Variants in FMO3 observed in about 807,000 individuals in gnomAD.
FMO3 encodes the protein flavin-containing monooxygenase 3.
Under a neutral mutation model 39.4 loss-of-function variants are expected in FMO3, and 40 were observed. The observed-to-expected ratio is 1.02, with a 90% CI of 0.79 to 1.32. FMO3 has a LOEUF of 1.32. Ranked by LOEUF, FMO3 falls within the 40% of genes most tolerant of loss-of-function variation. The pLI is 0.00. For missense variants in FMO3, 680 were observed against 651.8 expected (o/e 1.04, Z -0.47); for synonymous variants, 219 against 228.8 (o/e 0.96, Z 0.39).
intron 2 of FMO3, among the ~76,000 whole-genome samples, chr1:171,093,507 A>G (rs541704659): frequency 7.2e-6 from 1 of 139,486 alleles, no homozygotes; most frequent in Non-Finnish European, 1.5e-5. Context: ...GCATATATAC[A>G]TACATATATA....
At chr1:171,103,664 C>T (rs199878858) in intron 2 of FMO3, 121 bp from the exon 3 acceptor site, 4 of 821,994 alleles carry the variant, frequency 4.9e-6, no homozygotes, top group African/African-American at 1.7e-5. Context: ...TTGGTAACCA[C>T]GGAGGTCCTG....
intron 2 of FMO3, chr1:171,100,355 G>A (rs1412075797): frequency 6.6e-6 from 1 of 152,216 alleles, no homozygotes; most frequent in Non-Finnish European, 1.5e-5. Context: ...GAGGGCAGAG[G>A]CCTGAGCCAA....
intron 1 of FMO3, among the ~76,000 whole-genome samples, chr1:171,091,818 G>A (rs2101891565): frequency 6.6e-6 from 1 of 151,818 alleles, no homozygotes. Flanking sequence ...TGACTACCTG[G>A]CACACTGAAA....
intron 5 of FMO3, among the ~76,000 whole-genome samples, chr1:171,109,792 T>C (rs574580635): frequency 7.8e-4 from 119 of 152,268 alleles, no homozygotes; most frequent in African/African-American, 2.7e-3. Context: ...TCTGCCCACC[T>C]AGGCCTCCCA....
At chr1:171,104,724 AT>A (rs2101909772) in intron 3 of FMO3, among the ~76,000 whole-genome samples, 1 of 152,142 alleles carries the variant, frequency 6.6e-6, no homozygotes, top group Admixed American at 6.5e-5. Context: ...AAATACAAAA[AT>A]TAGCTGGATG....
chr1:171,099,876 C>T (rs1266166702), intron 2 of FMO3: 1 of 151,386 alleles, frequency 6.6e-6, no homozygotes, highest in Non-Finnish European at 1.5e-5. Context: ...CCTCCACCTC[C>T]TGGGATCAAG....
At position 171,092,736 on chromosome 1, in the gene FMO3, G is replaced by A; in HGVS notation, c.78G>A (p.Leu26=). The A allele has an allele frequency of 6.2e-7, 1 of 1,614,092 alleles. No individual in the cohort carries two copies. ...ASIRSCLEEG[L]EPTCFEKSND... The stretch of plus-strand genomic sequence containing the variant: ...TCAGGAGCTGTCTGGAAGAGGGGCT[G>A]GAGCCCACCTGCTTTGAGAAGAGCA... Residue 26 remains leucine (L), a synonymous_variant, in exon 2 of 9, where the codon CTG becomes CTA. Coordinates refer to ENST00000367755, the MANE Select transcript of FMO3 (RefSeq NM_001002294.3).
At chr1:171,112,702 G>A (rs1042697191) in intron 6 of FMO3, among the ~76,000 whole-genome samples, 1 of 152,188 alleles carries the variant, frequency 6.6e-6, no homozygotes, top group East Asian at 1.9e-4. Flanking sequence ...CCAGCAGTGG[G>A]AAACACAAGA....
rs72549326 is a variant in FMO3, at chr1:171,107,811, C to T, written c.458C>T (p.Pro153Leu). 3,823 of 1,613,792 alleles carry T rather than the reference C, an allele frequency of 2.4e-3. 4 individuals carry two copies. The highest frequency in any genetic ancestry group is 3.1e-3 in the Non-Finnish European group (3,619 of 1,179,918). Residue 153 changes from proline (P) to leucine (L), a missense_variant, in exon 4 of 9, where the codon CCC becomes CTC. By Grantham distance (98) the Pro-to-Leu change is moderately conservative. Coordinates refer to ENST00000367755, the MANE Select transcript of FMO3 (RefSeq NM_001002294.3). Reference protein sequence around the residue: ...VMVCSGHHVYPNLPKESFPGL... With the variant: ...VMVCSGHHVYLNLPKESFPGL... ...GTTTGTTCCGGACATCATGTGTATC[C>T]CAACCTACCAAAAGAGTCCTTTCCA...
In FMO3 at chr1:171,114,174, G is replaced by T. The variant is rs367932707; in HGVS notation, c.995G>T (p.Ser332Ile). 2 of 1,614,058 alleles carry T rather than the reference G, an allele frequency of 1.2e-6. No individual in the cohort carries two copies. The highest frequency in any genetic ancestry group is 1.7e-6 in the Non-Finnish European group (2 of 1,179,954). Residue 332 changes from serine (S) to isoleucine (I), a missense_variant, in exon 7 of 9, where the codon AGT becomes ATT. Physicochemically the swap from Ser to Ile is moderately radical, Grantham distance 142. Coordinates refer to ENST00000367755, the MANE Select transcript of FMO3 (RefSeq NM_001002294.3). ...TGTGTAATCTTTGCAACAGGGTATA[G>T]TTTTGCCTACCCCTTCCTTGATGAG... is the stretch of plus-strand genomic sequence containing the variant. ...IDCVIFATGY[S>I]FAYPFLDESI...
At chr1:171,112,655 G>T (rs1655965100) in intron 6 of FMO3, among the ~76,000 whole-genome samples, 2 of 152,182 alleles carry the variant, frequency 1.3e-5, no homozygotes. Context: ...ATTAAAGTTG[G>T]AATGCCTATT....
chr1:171,108,314 A>T, intron 5 of FMO3, 93 bp downstream of exon 5: 1 of 1,458,702 alleles, frequency 6.9e-7, no homozygotes, highest in South Asian at 1.2e-5. Flanking sequence ...GGGAGGAGGG[A>T]AGGGTATCTG....
chr1:171,114,787 G>A (rs1656069476), intron 7 of FMO3, among the ~76,000 whole-genome samples: 1 of 152,148 alleles, frequency 6.6e-6, no homozygotes. Flanking sequence ...CCACAGTCAT[G>A]GAAAATATGA....
At chr1:171,112,402 T>C (rs1655950841) in intron 6 of FMO3, among the ~76,000 whole-genome samples, 1 of 152,130 alleles carries the variant, frequency 6.6e-6, no homozygotes, top group Non-Finnish European at 1.5e-5. Context: ...AAAGCTACTC[T>C]CAAAAACCTG....
rs2101921435 is a variant in FMO3 at position 171,114,037 on chromosome 1, T to C, written c.858T>C (p.Asp286=). The change falls in exon 7 of 9, where the codon GAT becomes GAC. Residue 286 remains aspartate (D), a synonymous_variant. Transcript: ENST00000367755. The part of the protein sequence containing the change: ...GVLRKEPVFN[D]ELPASILCGI... ...TGAGGAAAGAGCCTGTATTTAACGA[T>C]GAGCTCCCAGCAAGCATTCTGTGTG... The C allele has an allele frequency of 6.2e-7, 1 of 1,612,094 alleles. No individual in the cohort carries two copies. Among genetic ancestry groups the C allele is most frequent in the Non-Finnish European group, 8.5e-7 (1 of 1,178,832 alleles).
chr1:171,114,673 A>G (rs139647910), intron 7 of FMO3, among the ~76,000 whole-genome samples: 384 of 152,344 alleles, frequency 2.5e-3, no homozygotes, highest in Middle Eastern at 0.01. Flanking sequence ...TAAGTGAATG[A>G]CAACTTTATA....
At chr1:171,096,824 T>C (rs1209469700) in intron 2 of FMO3, among the ~76,000 whole-genome samples, 2 of 141,588 alleles carry the variant, frequency 1.4e-5, no homozygotes, top group African/African-American at 5.1e-5. Context: ...AGTTCTAGGG[T>C]ACATGTGCAC....
In FMO3 at chr1:171,103,953, C is replaced by T. The variant is rs1655526432; in HGVS notation, c.301C>T (p.Leu101=). ...TGCATTTGCCAAAGAAAAGAACCTC[C>T]TGAAGTACATACAATTTAAGGTAAG... is the stretch of plus-strand genomic sequence containing the variant. ...IIAFAKEKNL[L]KYIQFKTFVS... is the part of the protein sequence containing the mutation. The change falls in exon 3 of 9, where the codon CTG becomes TTG. Residue 101 remains leucine (L), a synonymous_variant. Coordinates refer to ENST00000367755, the MANE Select transcript of FMO3 (RefSeq NM_001002294.3). 1.2e-6 allele frequency: 2 copies of T among 1,612,752 alleles called. No homozygotes were observed. The highest frequency in any genetic ancestry group is 2.7e-5 in the African/African-American group (2 of 75,008).
At chr1:171,096,985 C>G (rs1307132136) in intron 2 of FMO3, among the ~76,000 whole-genome samples, 1 of 150,818 alleles carries the variant, frequency 6.6e-6, no homozygotes, top group Non-Finnish European at 1.5e-5. Context: ...ATTCCCCTTC[C>G]TGTGTCCAAG....
Sources: gnomAD v4.1 joint callset for allele counts (sites outside exome capture counted in the v4.1 genomes callset) on GRCh38, gnomAD v4.1.1 for gene constraint, MANE v1.5 for transcripts, NCBI Gene and HGNC (gene_info 2026-07-23, HGNC 2026-07-21) for gene names.